Variants in GPRC5B observed in about 807,000 individuals in gnomAD.
GPRC5B encodes the protein G protein-coupled receptor family C group 5 member B.
GPRC5B carries 16 observed loss-of-function variants against 30.1 expected under a neutral mutation model. The observed-to-expected ratio is 0.53, with a 90% CI of 0.36 to 0.81. GPRC5B has a LOEUF of 0.81. Ranked by LOEUF, GPRC5B falls within the 30% of genes least tolerant of loss-of-function variation. GPRC5B has a pLI of 0.01. For synonymous variants in GPRC5B, 241 were observed against 239.5 expected (o/e 1.01, Z -0.06); for missense variants, 428 against 544.7 (o/e 0.79, Z 2.13).
intron 3 of GPRC5B, among the ~76,000 whole-genome samples, chr16:19,861,087 T>TTA (rs569493402): frequency 2.1e-5 from 2 of 93,404 alleles, no homozygotes; most frequent in Non-Finnish European, 3.9e-5. Context: ...CTGATTTACA[T>TTA]AAAAAAAAAA....
intron 2 of GPRC5B, among the ~76,000 whole-genome samples, chr16:19,865,799 C>T (rs1237022723): frequency 6.6e-6 from 1 of 152,206 alleles, no homozygotes; most frequent in African/African-American, 2.4e-5. Context: ...TGATTTAAAG[C>T]AAGCACGCTG....
At chr16:19,884,151 G>A (rs890199744) in intron 1 of GPRC5B, among the ~76,000 whole-genome samples, 4 of 92,208 alleles carry the variant, frequency 4.3e-5, no homozygotes, top group African/African-American at 1.7e-4. Flanking sequence ...CCCCAGCCCA[G>A]GTCTCAGCTC....
intron 1 of GPRC5B, among the ~76,000 whole-genome samples, chr16:19,877,796 G>A (rs2056770209): frequency 1.3e-5 from 2 of 152,276 alleles, no homozygotes; most frequent in African/African-American, 4.8e-5. Context: ...GGGGAGAGGC[G>A]AGACACAAAC....
intron 2 of GPRC5B, among the ~76,000 whole-genome samples, chr16:19,866,217 T>C (rs915422900): frequency 4.6e-5 from 7 of 151,818 alleles, no homozygotes; most frequent in Admixed American, 4.6e-4. Flanking sequence ...GGCCAAGCAC[T>C]GGTAATTTTT....
upstream of GPRC5B, chr16:19,885,024 C>G (rs1019914425): frequency 5.6e-4 from 336 of 595,532 alleles, no homozygotes; most frequent in Middle Eastern, 3.2e-3. The surrounding 1 kb of genome is among the most constrained non-coding windows in gnomAD (Gnocchi z 5.3). Context: ...CATGCACCCC[C>G]GGAGCCCAAG....
rs1420618194 is a variant in GPRC5B at position 19,857,682 on chromosome 16, T to G, written c.*2818A>C. 1 of 210,430 alleles carries G rather than the reference T, an allele frequency of 4.8e-6. No homozygotes were observed. The highest frequency in any genetic ancestry group is 1.6e-4 in the East Asian group (1 of 6,204). 13.0% of individuals were successfully genotyped at this position (210,430 alleles called of 1,614,324 possible). A position where few individuals can be genotyped will look rare whatever the true frequency, so the allele number is the denominator to read the frequency against. Reference sequence around the variant, plus strand: ...TTGGCCTGAGGCGTTCAACTCAGCCTTGGCCAACCGAGACCACCACCCGAG... The same window carrying G: ...TTGGCCTGAGGCGTTCAACTCAGCCGTGGCCAACCGAGACCACCACCCGAG... On this transcript the variant is annotated 3_prime_UTR_variant, in exon 4 of 4. Coordinates refer to ENST00000300571, the MANE Select transcript of GPRC5B (RefSeq NM_016235.3).
chr16:19,874,313 C>T (rs188369204), intron 1 of GPRC5B, among the ~76,000 whole-genome samples: 3 of 152,288 alleles, frequency 2.0e-5, no homozygotes, highest in Admixed American at 1.3e-4. Context: ...TGCCTGGCCA[C>T]TCCTCCTCCC....
At chr16:19,876,539 TTC>T (rs1166726261) in intron 1 of GPRC5B, among the ~76,000 whole-genome samples, 1 of 151,890 alleles carries the variant, frequency 6.6e-6, no homozygotes, top group East Asian at 1.9e-4. Context: ...CCTGAGGGGG[TTC>T]TCTCTTTTCC....
At position 19,861,582 on chromosome 16, in the gene GPRC5B, A is replaced by C. The variant is rs111855502; in HGVS notation, c.1167+255T>G. Among the ~76,000 whole-genome samples the C allele has an allele frequency of 1.7e-4, 26 of 152,344 alleles. 1 individual carries two copies. The highest frequency in any genetic ancestry group is 5.8e-4 in the African/African-American group (24 of 41,578). ...GAAAGCCAAATAATTCACTGGGTCC[A>C]ACAGCCTCAAGGATTACAAACTCTT... is the stretch of plus-strand genomic sequence containing the variant. On this transcript the variant is annotated intron_variant, in intron 3 of 3. Coordinates refer to ENST00000300571, the MANE Select transcript of GPRC5B (RefSeq NM_016235.3).
At chr16:19,880,160 A>G in intron 1 of GPRC5B, among the ~76,000 whole-genome samples, 1 of 150,878 alleles carries the variant, frequency 6.6e-6, no homozygotes, top group East Asian at 1.9e-4. Flanking sequence ...AAATAAAATA[A>G]ATAATAATAA....
intron 1 of GPRC5B, among the ~76,000 whole-genome samples, chr16:19,884,484 C>T (rs2056835448): frequency 6.6e-6 from 1 of 151,244 alleles, no homozygotes; most frequent in African/African-American, 2.4e-5. Context: ...TCTCCCTCCC[C>T]CCGTAAAGGT....
chr16:19,882,275 C>T (rs1161492645), intron 1 of GPRC5B: 1 of 152,212 alleles, frequency 6.6e-6, no homozygotes, highest in Non-Finnish European at 1.5e-5. Flanking sequence ...GCTCTGTGAT[C>T]CATGAATATG....
chr16:19,868,546 A>C (rs1230092922), intron 2 of GPRC5B, among the ~76,000 whole-genome samples: 1 of 152,140 alleles, frequency 6.6e-6, no homozygotes, highest in Non-Finnish European at 1.5e-5. Flanking sequence ...CATTCCCTGA[A>C]GGGCCCGTCC....
chr16:19,858,218 C>G lies in GPRC5B; in HGVS notation c.*2282G>C, dbSNP rs558148192. The G allele has an allele frequency of 4.1e-4, 140 of 344,616 alleles. No homozygotes were observed. The highest frequency in any genetic ancestry group is 2.8e-3 in the African/African-American group (133 of 47,684). The allele number at this position is 344,616 out of a possible 1,614,324, so 21.3% of individuals were successfully genotyped here. Reference sequence around the variant, plus strand: ...AAAGAACAGCTCTCTCCCTTCTCCTCTCACTCCCGCCTCCGCCCCCATTAT... The same window carrying G: ...AAAGAACAGCTCTCTCCCTTCTCCTGTCACTCCCGCCTCCGCCCCCATTAT... On this transcript the variant is annotated 3_prime_UTR_variant, in exon 4 of 4. Coordinates refer to ENST00000300571, the MANE Select transcript of GPRC5B (RefSeq NM_016235.3).
In GPRC5B at chr16:19,872,795, G is replaced by A; in HGVS notation, c.51C>T (p.Phe17=). The A allele has an allele frequency of 6.2e-7, 1 of 1,613,824 alleles. No homozygotes were observed. The highest frequency in any genetic ancestry group is 1.6e-4 in the Middle Eastern group (1 of 6,062). The part of the protein sequence containing the change: ...RKMRAHQVLT[F]LLLFVITSVA... ...CCGAGGTGATCACGAAGAGCAGGAG[G>A]AAGGTGAGCACCTGGTGAGCTCTCA... Residue 17 remains phenylalanine, a synonymous_variant, in exon 2 of 4, where the codon TTC becomes TTT. Transcript: ENST00000300571. This position sits in a 1 kb window ranked among gnomAD's most constrained non-coding sequence, Gnocchi z 5.0.
chr16:19,882,984 C>T (rs2056818762), intron 1 of GPRC5B, among the ~76,000 whole-genome samples: 1 of 152,162 alleles, frequency 6.6e-6, no homozygotes, highest in Admixed American at 6.5e-5. Context: ...AATGTCACTC[C>T]CGGAACAGTC....
intron 1 of GPRC5B, among the ~76,000 whole-genome samples, chr16:19,881,229 A>G (rs1288995683): frequency 6.6e-6 from 1 of 152,070 alleles, no homozygotes; most frequent in African/African-American, 2.4e-5. Context: ...TCATCTGTAA[A>G]ATGGGGATAA....
intron 2 of GPRC5B, among the ~76,000 whole-genome samples, chr16:19,866,027 T>C (rs1567207914): frequency 6.6e-6 from 1 of 152,174 alleles, no homozygotes; most frequent in Non-Finnish European, 1.5e-5. Context: ...CTTCCCGGGT[T>C]CAGGCAATTC....
chr16:19,875,644 T>A (rs979268866), intron 1 of GPRC5B, among the ~76,000 whole-genome samples: 1 of 152,052 alleles, frequency 6.6e-6, no homozygotes, highest in South Asian at 2.1e-4. Flanking sequence ...CTGGGCGTGG[T>A]GCCACGTGCC....
Sources: gnomAD v4.1 joint callset for allele counts (sites outside exome capture counted in the v4.1 genomes callset) on GRCh38, gnomAD v4.1.1 for gene constraint, Gnocchi (gnomAD v3.1) non-coding constraint, MANE v1.5 for transcripts, NCBI Gene and HGNC (gene_info 2026-07-23, HGNC 2026-07-21) for gene names.